KLF12: variants seen among roughly 807,000 people sequenced by gnomAD.
KLF12 encodes Krueppel-like factor 12.
Under a neutral mutation model 37.8 loss-of-function variants are expected in KLF12, and 9 were observed. The observed-to-expected ratio is 0.24, with a 90% confidence interval of 0.14 to 0.42. The LOEUF (loss-of-function observed/expected upper bound fraction) is 0.42. KLF12 is among the 10% of genes least tolerant of loss of function. KLF12 has a pLI of 1.00. For synonymous variants in KLF12, 208 were observed against 202.1 expected, an observed-to-expected ratio of 1.03 and a Z score of -0.25; for missense variants, 411 against 516.0, an observed-to-expected ratio of 0.80 and a Z score of 1.97.
intron 1 of KLF12, among the ~76,000 whole-genome samples, chr13:74,096,665 G>C (rs777363414): frequency 1.2e-4 from 18 of 152,144 alleles, no homozygotes; most frequent in Non-Finnish European, 2.1e-4. Flanking sequence ...AACTCTACCA[G>C]TGTCATTTTC....
chr13:73,798,349 C>G (rs1035776303), intron 5 of KLF12, among the ~76,000 whole-genome samples: 3 of 152,034 alleles, frequency 2.0e-5, no homozygotes, highest in Non-Finnish European at 4.4e-5. Flanking sequence ...CCAACCTGGA[C>G]ATAGGAATAA....
intron 1 of KLF12, among the ~76,000 whole-genome samples, chr13:74,028,839 A>T (rs77896648): frequency 1.1e-4 from 16 of 151,742 alleles, no homozygotes; most frequent in African/African-American, 2.4e-4. Context: ...AGAATTTTCA[A>T]TTTTTTTAAA....
At chr13:73,806,649 CAA>C (rs11482328) in intron 5 of KLF12, among the ~76,000 whole-genome samples, 27 of 108,256 alleles carry the variant, frequency 2.5e-4, no homozygotes, top group African/African-American at 6.6e-4. Flanking sequence ...AAAAAACAAA[CAA>C]AAAAAAAAAA....
the KLF12 span, among the ~76,000 whole-genome samples, chr13:74,149,744 TC>T: frequency 6.6e-6 from 1 of 152,170 alleles, no homozygotes; most frequent in Admixed American, 6.5e-5. Context: ...TTGTAAGACT[TC>T]TAAGGTAGTC....
At chr13:73,741,954 A>G (rs907092841) in intron 6 of KLF12, among the ~76,000 whole-genome samples, 1 of 152,168 alleles carries the variant, frequency 6.6e-6, no homozygotes, top group African/African-American at 2.4e-5. Flanking sequence ...TGCTATGCAT[A>G]CAACAAAGAT....
intron 2 of KLF12, among the ~76,000 whole-genome samples, chr13:73,972,820 T>G (rs1362054064): frequency 6.6e-6 from 1 of 151,246 alleles, no homozygotes; most frequent in African/African-American, 2.4e-5. Flanking sequence ...GAGAGCTGGA[T>G]TTATATCAGT....
At chr13:73,889,149 G>T (rs1039047659) in intron 3 of KLF12, among the ~76,000 whole-genome samples, 2 of 152,164 alleles carry the variant, frequency 1.3e-5, no homozygotes, top group Admixed American at 6.5e-5. Context: ...GAAGGGGATT[G>T]GAGAGTTGGG....
At chr13:74,220,235 A>G in the KLF12 span, among the ~76,000 whole-genome samples, 2 of 152,200 alleles carry the variant, frequency 1.3e-5, no homozygotes, top group Non-Finnish European at 2.9e-5. Context: ...AGTATAGAAT[A>G]ATGGCTTTAA....
At chr13:73,979,214 AC>A (rs1566491475) in intron 2 of KLF12, among the ~76,000 whole-genome samples, 1 of 152,154 alleles carries the variant, frequency 6.6e-6, no homozygotes, top group Non-Finnish European at 1.5e-5. Flanking sequence ...ACTGTAATAA[AC>A]GTATCATCCT....
At chr13:74,283,679 G>A in the KLF12 span, among the ~76,000 whole-genome samples, 9 of 152,080 alleles carry the variant, frequency 5.9e-5, no homozygotes, top group African/African-American at 1.9e-4. Context: ...CAGCCCTTGT[G>A]TCTCAGTTTC....
intron 4 of KLF12, among the ~76,000 whole-genome samples, chr13:73,823,721 T>TC (rs200420210): frequency 7.1e-6 from 1 of 140,112 alleles, no homozygotes; most frequent in Non-Finnish European, 1.6e-5. Context: ...GGCCTCTTCT[T>TC]TTTTTTGAGA....
At chr13:74,017,438 T>C (rs80166759) in intron 1 of KLF12, among the ~76,000 whole-genome samples, 133 of 151,578 alleles carry the variant, frequency 8.8e-4, no homozygotes, top group Non-Finnish European at 1.5e-3. Flanking sequence ...CTTCTCTTCA[T>C]TGGGAAATTC....
At chr13:74,296,486 T>C in the KLF12 span, among the ~76,000 whole-genome samples, 1 of 152,170 alleles carries the variant, frequency 6.6e-6, no homozygotes, top group Non-Finnish European at 1.5e-5. Context: ...TCTGCAATAG[T>C]CACATCTTTG....
At chr13:73,747,621 C>T (rs1344256895) in intron 6 of KLF12, among the ~76,000 whole-genome samples, 3 of 152,244 alleles carry the variant, frequency 2.0e-5, no homozygotes, top group African/African-American at 4.8e-5. Flanking sequence ...ATAGTCAACA[C>T]TTATTTATTG....
At chr13:74,233,492 C>A in the KLF12 span, among the ~76,000 whole-genome samples, 1 of 152,188 alleles carries the variant, frequency 6.6e-6, no homozygotes, top group African/African-American at 2.4e-5. Flanking sequence ...CTTCCAGAAG[C>A]ATATTCACCC....
the KLF12 span, among the ~76,000 whole-genome samples, chr13:74,249,477 A>G: frequency 6.6e-6 from 1 of 152,088 alleles, no homozygotes; most frequent in Middle Eastern, 3.4e-3. Context: ...ATGAGTTTGG[A>G]TCACAAGCTT....
At chr13:73,805,397 G>A (rs1371960350) in intron 5 of KLF12, among the ~76,000 whole-genome samples, 1 of 151,902 alleles carries the variant, frequency 6.6e-6, no homozygotes, top group African/African-American at 2.4e-5. Context: ...AGGCAGGGGG[G>A]TCACTTGAGC....
Position 73,822,144 on chromosome 13 carries a change from G to A in KLF12, c.671-8857C>T, listed in dbSNP as rs189867557. Among the ~76,000 whole-genome samples the A allele has an allele frequency of 2.1e-4, 32 of 152,304 alleles. 1 individual carries two copies. In the East Asian group the frequency reaches 6.0e-3, roughly 28 times the overall value. On this transcript the variant is annotated intron_variant, in intron 4 of 7. Coordinates refer to ENST00000377669, the MANE Select transcript of KLF12 (RefSeq NM_007249.5). ...GATTCTGCAATATAATGATGCAAGT[G>A]TCTAGCTCACATTTCATTTAAAAAA...
chr13:74,113,017 G>A (rs1446765023), intron 1 of KLF12, among the ~76,000 whole-genome samples: 1 of 152,182 alleles, frequency 6.6e-6, no homozygotes, highest in East Asian at 1.9e-4. Flanking sequence ...CTGGATAGAA[G>A]CTCAAACCAG....
Sources: allele counts gnomAD v4.1 joint callset (sites outside exome capture counted in the v4.1 genomes callset), GRCh38; gene constraint gnomAD v4.1.1; transcripts MANE v1.5; gene names NCBI Gene and HGNC (gene_info 2026-07-23, HGNC 2026-07-21).